Variants in CCDC171 observed in about 807,000 individuals in gnomAD.
CCDC171 encodes coiled-coil domain-containing protein 171.
Under a neutral mutation model 168.2 loss-of-function variants are expected in CCDC171, and 177 were observed. That is an observed-to-expected ratio of 1.05 (90% confidence interval 0.93 to 1.19). CCDC171 has a LOEUF of 1.19. Among genes scored for constraint, CCDC171 ranks in the 50% most tolerant of loss-of-function variants. CCDC171 has a pLI of 0.00. For synonymous variants in CCDC171, 687 were observed against 540.8 expected, an observed-to-expected ratio of 1.27 and a Z score of -3.75; for missense variants, 1,991 against 1,539.0, an observed-to-expected ratio of 1.29 and a Z score of -4.91.
chr9:15,653,572 A>G (rs961604113), intron 7 of CCDC171, among the ~76,000 whole-genome samples: 5 of 152,200 alleles, frequency 3.3e-5, no homozygotes, highest in Non-Finnish European at 7.3e-5. Context: ...AGTAGAAAGA[A>G]TATTATAGTG....
At chr9:15,594,670 A>G (rs576391814) in intron 6 of CCDC171, among the ~76,000 whole-genome samples, 105 of 152,258 alleles carry the variant, frequency 6.9e-4, no homozygotes, top group African/African-American at 2.1e-3. Flanking sequence ...CCCTTTATAC[A>G]TGAGCAGATG....
chr9:15,740,145 A>G (rs1283156480), intron 16 of CCDC171, among the ~76,000 whole-genome samples: 1 of 151,870 alleles, frequency 6.6e-6, no homozygotes, highest in Non-Finnish European at 1.5e-5. Flanking sequence ...ATTTGCCTGT[A>G]TTTTCTTCTA....
intron 21 of CCDC171, among the ~76,000 whole-genome samples, chr9:15,831,676 T>C (rs1036731984): frequency 2.0e-5 from 3 of 152,188 alleles, no homozygotes; most frequent in African/African-American, 7.2e-5. Context: ...CTTTAACTTG[T>C]CTTTAGGTTT....
chr9:15,896,889 T>G (rs1820985103), intron 24 of CCDC171, among the ~76,000 whole-genome samples: 2 of 152,120 alleles, frequency 1.3e-5, no homozygotes. Context: ...AGAAAACTTC[T>G]TATAAATAAC....
chr9:15,873,611 A>G (rs184852507), intron 23 of CCDC171, among the ~76,000 whole-genome samples: 19 of 152,228 alleles, frequency 1.2e-4, no homozygotes, highest in African/African-American at 3.4e-4. Context: ...TTATTAAACT[A>G]TATGATTAAA....
At chr9:15,771,297 C>CT (rs2135278287) in intron 18 of CCDC171, among the ~76,000 whole-genome samples, 1 of 152,160 alleles carries the variant, frequency 6.6e-6, no homozygotes, top group African/African-American at 2.4e-5. Context: ...TTACATTGTT[C>CT]TTTCATGAAC....
At chr9:15,742,801 C>CTTT (rs869086658) in intron 16 of CCDC171, among the ~76,000 whole-genome samples, 8 of 150,186 alleles carry the variant, frequency 5.3e-5, no homozygotes, top group African/African-American at 1.7e-4. Context: ...CTAATCAATA[C>CTTT]TTTTTTTTTT....
downstream of CCDC171, among the ~76,000 whole-genome samples, chr9:16,065,884 C>G (rs934260359): frequency 6.6e-6 from 1 of 151,404 alleles, no homozygotes; most frequent in Non-Finnish European, 1.5e-5. Flanking sequence ...CCACCAAAAA[C>G]AGTATCTCCT....
chr9:15,761,881 TCA>T (rs2056464130), intron 18 of CCDC171, among the ~76,000 whole-genome samples: 1 of 123,092 alleles, frequency 8.1e-6, no homozygotes, highest in Non-Finnish European at 1.9e-5. Context: ...TGTAGAAAAG[TCA>T]AAAGAGTTTT....
chr9:15,952,693 G>T (rs758224943), intron 25 of CCDC171, among the ~76,000 whole-genome samples: 1 of 152,090 alleles, frequency 6.6e-6, no homozygotes, highest in Non-Finnish European at 1.5e-5. Context: ...CACCGCGCGC[G>T]GCCAGATTTT....
chr9:15,989,528 C>T (rs550001225), intron 3 of CCDC171, among the ~76,000 whole-genome samples: 92 of 152,272 alleles, frequency 6.0e-4, no homozygotes, highest in Non-Finnish European at 1.1e-3. Context: ...GCCTCTCCCC[C>T]TCCAAAGGAA....
At chr9:15,813,194 C>T (rs1390980788) in intron 21 of CCDC171, among the ~76,000 whole-genome samples, 1 of 152,146 alleles carries the variant, frequency 6.6e-6, no homozygotes, top group African/African-American at 2.4e-5. Context: ...AGTAATGTTT[C>T]TTACTTAAAT....
At chr9:15,590,329 G>A (rs903675660) in intron 4 of CCDC171, among the ~76,000 whole-genome samples, 13 of 152,124 alleles carry the variant, frequency 8.5e-5, no homozygotes, top group African/African-American at 2.9e-4. Context: ...TATAGCTGTG[G>A]CATCTTTTAA....
chr9:15,561,998 G>C (rs567430808), intron 1 of CCDC171, among the ~76,000 whole-genome samples: 1 of 151,732 alleles, frequency 6.6e-6, no homozygotes, highest in East Asian at 1.9e-4. Flanking sequence ...ATGACATTTT[G>C]CTTCTTTTTT....
chr9:15,990,268 C>G (rs902173567), intron 3 of CCDC171, among the ~76,000 whole-genome samples: 1 of 149,884 alleles, frequency 6.7e-6, no homozygotes, highest in African/African-American at 2.6e-5. Flanking sequence ...AAGTGGGGGC[C>G]AATATTCAAC....
chr9:15,755,057 A>G (rs935859525), intron 18 of CCDC171, among the ~76,000 whole-genome samples: 2 of 152,138 alleles, frequency 1.3e-5, no homozygotes, highest in Admixed American at 1.3e-4. Context: ...ATGACATTGT[A>G]TGTTTGAAAG....
intron 3 of CCDC171, among the ~76,000 whole-genome samples, chr9:15,987,729 G>A (rs1832039838): frequency 6.6e-6 from 1 of 152,170 alleles, no homozygotes; most frequent in African/African-American, 2.4e-5. Flanking sequence ...CCAAAGTGCT[G>A]GGGATGAGAA....
At chr9:16,101,726 C>T in the CCDC171 span, among the ~76,000 whole-genome samples, 8 of 152,192 alleles carry the variant, frequency 5.3e-5, no homozygotes, top group Admixed American at 5.2e-4. Context: ...GAGAAGGCCA[C>T]AGGGCAGGGA....
In CCDC171 at chr9:15,564,011, C is replaced by G; in HGVS notation, c.-78C>G. ...TCATCTAACGTGAAGCCACAGACAT[C>G]TTGGGCAATTTTAATCATCAAGAAA... On this transcript the variant is annotated 5_prime_UTR_variant, in exon 2 of 26. It adds an upstream start codon to the 5' untranslated region. Coordinates refer to ENST00000380701, the MANE Select transcript of CCDC171 (RefSeq NM_173550.4). 8.7e-7 allele frequency: 1 copy of G among 1,153,358 alleles called. No individual in the cohort carries two copies. Among genetic ancestry groups the G allele is most frequent in the Non-Finnish European group, 1.3e-6 (1 of 775,326 alleles). 71.4% of individuals were successfully genotyped at this position (1,153,358 alleles called of 1,614,324 possible).
Sources: gnomAD v4.1 joint callset for allele counts (sites outside exome capture counted in the v4.1 genomes callset) on GRCh38, gnomAD v4.1.1 for gene constraint, MANE v1.5 for transcripts, NCBI Gene and HGNC (gene_info 2026-07-23, HGNC 2026-07-21) for gene names.